JMY: variants seen among roughly 807,000 people sequenced by gnomAD.
JMY encodes the protein junction mediating and regulatory protein, p53 cofactor.
In JMY, 46 loss-of-function variants were observed where a neutral mutation model predicts 103.3. That is an observed-to-expected ratio of 0.45 (90% CI 0.35 to 0.57). JMY has a LOEUF of 0.57. Among genes scored for constraint, JMY ranks in the 20% least tolerant of loss-of-function variants. The probability of loss-of-function intolerance (pLI) is 0.00; values close to 1 mark genes in which losing one functional copy is unlikely to be tolerated. For missense variants in JMY, 1,238 were observed against 1,255.2 expected (o/e 0.99, Z 0.21); for synonymous variants, 526 against 489.3 (o/e 1.07, Z -0.99).
At chr5:79,321,551 T>G (rs1237722797) in intron 10 of JMY, 55 bp from the exon 11 acceptor site, 1 of 152,198 alleles carries the variant, frequency 6.6e-6, no homozygotes, top group South Asian at 2.1e-4. Context: ...GTAAATACAC[T>G]GTATCTTTAA....
Position 79,316,308 on chromosome 5 carries a change from C to CA in JMY, c.*3dup, listed in dbSNP as rs1747217034. ...ACCTTGCACAGACTGGGAGAACTAA[C>CA]AAGTAAACGGCCTTATTGTCTTTAG... On this transcript the variant is annotated splice_region_variant and 3_prime_UTR_variant, in exon 10 of 11. Transcript: ENST00000396137. 6.2e-7 allele frequency: 1 copy of CA among 1,601,498 alleles called. No individual in the cohort carries two copies. The highest frequency in any genetic ancestry group is 1.3e-5 in the African/African-American group (1 of 74,496).
At position 79,236,961 on chromosome 5, in the gene JMY, C is replaced by A. The variant is rs1182587099; in HGVS notation, c.311C>A (p.Pro104His). The A allele has an allele frequency of 2.1e-6, 3 of 1,450,702 alleles. No individual in the cohort carries two copies. The highest frequency in any genetic ancestry group is 2.9e-5 in the African/African-American group (2 of 69,314). 89.9% of individuals were successfully genotyped at this position (1,450,702 alleles called of 1,614,324 possible). A position where few individuals can be genotyped will look rare whatever the true frequency, so the allele number is the denominator to read the frequency against. ...GCAACTCTGGTTAGGAGCCCCGGGC[C>A]CCGGCGGAGCTCGGCCTGGGCGGAG... ...ASATLVRSPGPRRSSAWAEGG... is the reference protein window; with the variant it reads ...ASATLVRSPGHRRSSAWAEGG... The change falls in exon 1 of 11, where the codon CCC (proline) becomes CAC (histidine). Residue 104 changes from proline (P) to histidine (H), a missense_variant. Coordinates refer to ENST00000396137, the MANE Select transcript of JMY (RefSeq NM_152405.5).
At chr5:79,278,108 G>A in intron 2 of JMY, 25 bp downstream of exon 2, 1 of 1,565,528 alleles carries the variant, frequency 6.4e-7, no homozygotes, top group Non-Finnish European at 8.7e-7. Flanking sequence ...ATCCTAACTA[G>A]TAGCCTGCCT....
In JMY at chr5:79,300,313, T is replaced by C. The variant is rs371819690; in HGVS notation, c.1688T>C (p.Ile563Thr). The change falls in exon 5 of 11, where the codon ATA (isoleucine) becomes ACA (threonine). Residue 563 changes from isoleucine (I) to threonine (T), a missense_variant. Coordinates refer to ENST00000396137, the MANE Select transcript of JMY (RefSeq NM_152405.5). ...TAQLESIKRL[I>T]SEKRDEVVYY... ...CAACTAGAAAGCATCAAAAGACTTA[T>C]ATCAGGTATGGCGTGCATTTAACCA... 13 of 1,559,484 alleles carry C rather than the reference T, an allele frequency of 8.3e-6. No homozygotes were observed. The African/African-American group carries it at 9.7e-5, about 12-fold the overall frequency.
rs373344767 is a variant in JMY at position 79,273,460 on chromosome 5, T to A, written c.1033-4450T>A. On this transcript the variant is annotated intron_variant, in intron 1 of 10. Transcript: ENST00000396137. ...AGGAATTTCTCTTTTATTTTTGAGTTCCAGTAGTTTGACTATAATATGATA... is the reference window on the plus strand; with the variant it reads ...AGGAATTTCTCTTTTATTTTTGAGTACCAGTAGTTTGACTATAATATGATA... Among the ~76,000 whole-genome samples the A allele has an allele frequency of 5.9e-5, 9 of 152,340 alleles. No individual in the cohort carries two copies. The East Asian group carries it at 1.3e-3, about 23-fold the overall frequency.
At position 79,291,238 on chromosome 5, in the gene JMY, T is replaced by C. The variant is rs763755629; in HGVS notation, c.1466T>C (p.Leu489Ser). 6 of 1,613,240 alleles carry C rather than the reference T, an allele frequency of 3.7e-6. No homozygotes were observed. The Admixed American group carries it at 1.0e-4, about 27-fold the overall frequency. ...KLQYAVSKET[L>S]QMMRAKEICL... ...CAGTATGCAGTTTCTAAGGAAACTT[T>C]GCAGATGATGAGAGCTAAAGAGATA... Residue 489 changes from leucine (L) to serine (S), a missense_variant, in exon 4 of 11, where the codon TTG (leucine) becomes TCG (serine). Leu to Ser is a moderately radical substitution (Grantham distance 145). Transcript: ENST00000396137.
intron 1 of JMY, among the ~76,000 whole-genome samples, chr5:79,276,924 A>T (rs895762052): frequency 1.3e-5 from 2 of 152,140 alleles, no homozygotes; most frequent in African/African-American, 4.8e-5. Context: ...TTTTATACAT[A>T]CAAGGTCTCA....
rs1270885710 is a variant in JMY at position 79,300,728 on chromosome 5, G to A, written c.1746G>A (p.Met582Ile). 1 of 1,611,504 alleles carries A rather than the reference G, an allele frequency of 6.2e-7. No homozygotes were observed. Among genetic ancestry groups the A allele is most frequent in the African/African-American group, 1.3e-5 (1 of 74,712 alleles). The change falls in exon 6 of 11, where the codon ATG becomes ATA. Residue 582 changes from methionine to isoleucine, a missense_variant. Coordinates refer to ENST00000396137, the MANE Select transcript of JMY (RefSeq NM_152405.5). ...ACACTTACGAAAGCATGGAGGCCAT[G>A]CTGGAGAAGGAAGAGATGGCAGCAT... ...YYDTYESMEA[M>I]LEKEEMAASA... is the part of the protein sequence containing the mutation.
chr5:79,263,944 C>T (rs887716796), intron 1 of JMY, among the ~76,000 whole-genome samples: 5 of 151,952 alleles, frequency 3.3e-5, no homozygotes, highest in African/African-American at 1.2e-4. Context: ...ATTACAGGCG[C>T]CTGCCACCAC....
At chr5:79,242,864 A>G (rs1317511731) in intron 1 of JMY, among the ~76,000 whole-genome samples, 1 of 151,478 alleles carries the variant, frequency 6.6e-6, no homozygotes, top group Non-Finnish European at 1.5e-5. Context: ...GCTCACTGCA[A>G]CCTCTGCCTT....
Position 79,300,285 on chromosome 5 carries a change from G to T in JMY, c.1660G>T (p.Ala554Ser). ...ILKCEELLLT[A>S]QLESIKRLIS... ...GAAGTGTGAAGAGTTACTATTGACA[G>T]CGCAACTAGAAAGCATCAAAAGACT... The change falls in exon 5 of 11, where the codon GCG becomes TCG. Residue 554 changes from alanine (A) to serine (S), a missense_variant. Ala to Ser is a moderately conservative substitution (Grantham distance 99, BLOSUM62 1). Transcript: ENST00000396137. 6.3e-7 allele frequency: 1 copy of T among 1,585,174 alleles called. No individual in the cohort carries two copies. The highest frequency in any genetic ancestry group is 1.2e-5 in the South Asian group (1 of 86,460).
intron 1 of JMY, among the ~76,000 whole-genome samples, chr5:79,273,139 A>G (rs193078793): frequency 3.9e-5 from 6 of 152,308 alleles, no homozygotes; most frequent in East Asian, 3.9e-4. Flanking sequence ...ATTTCCAGCA[A>G]TCTTTATTCC....
At position 79,237,112 on chromosome 5, in the gene JMY, A is replaced by T. The variant is rs111233657; in HGVS notation, c.462A>T (p.Thr154=). The T allele has an allele frequency of 6.5e-7, 1 of 1,548,572 alleles. No homozygotes were observed. The part of the protein sequence containing the change: ...VRAKPIPGQK[T]SEADDAAGAA... ...CCAAACCCATCCCGGGTCAGAAAAC[A>T]TCTGAAGCCGACGATGCGGCGGGGG... Residue 154 remains threonine, a synonymous_variant, in exon 1 of 11, where the codon ACA becomes ACT. Coordinates refer to ENST00000396137, the MANE Select transcript of JMY (RefSeq NM_152405.5).
chr5:79,312,620 A>G (rs1371382957), intron 8 of JMY, 122 bp downstream of exon 8: 5 of 459,036 alleles, frequency 1.1e-5, no homozygotes, highest in Non-Finnish European at 1.9e-5. Flanking sequence ...ATAAACTATT[A>G]TAACCATGGA....
rs895877222 is a variant in JMY at position 79,324,569 on chromosome 5, A to C, written c.*2967A>C. The C allele has an allele frequency of 1.3e-5, 2 of 152,220 alleles. No individual in the cohort carries two copies. Among genetic ancestry groups the C allele is most frequent in the African/African-American group, 4.8e-5 (2 of 41,464 alleles). 9.4% of individuals were successfully genotyped at this position (152,220 alleles called of 1,614,324 possible). ...TCAAATGGCTCCTAATGCAACCAAA[A>C]TTATAACCAATGTAGCATGTGTAGG... On this transcript the variant is annotated 3_prime_UTR_variant, in exon 11 of 11. Coordinates refer to ENST00000396137, the MANE Select transcript of JMY (RefSeq NM_152405.5).
chr5:79,260,280 G>T (rs1341287033), intron 1 of JMY, among the ~76,000 whole-genome samples: 1 of 152,162 alleles, frequency 6.6e-6, no homozygotes, highest in Non-Finnish European at 1.5e-5. Flanking sequence ...TGTGATGGTG[G>T]GGGTGGTTCA....
chr5:79,270,325 A>T (rs1745710063), intron 1 of JMY, among the ~76,000 whole-genome samples: 1 of 143,636 alleles, frequency 7.0e-6, no homozygotes, highest in South Asian at 2.1e-4. Context: ...ATATATTTAC[A>T]TAAATATTTA....
chr5:79,290,645 C>T (rs1054245836), intron 3 of JMY, among the ~76,000 whole-genome samples: 2 of 152,130 alleles, frequency 1.3e-5, no homozygotes, highest in African/African-American at 2.4e-5. Flanking sequence ...AACGTTATTT[C>T]TGAGGACAGA....
rs1378229397 is a variant in JMY, at chr5:79,237,489, A to G, written c.839A>G (p.Gln280Arg). The change falls in exon 1 of 11, where the codon CAG (glutamine) becomes CGG (arginine). Residue 280 changes from glutamine to arginine, a missense_variant. Coordinates refer to ENST00000396137, the MANE Select transcript of JMY (RefSeq NM_152405.5). ...LFGGAPEMTE[Q>R]EIDTLCYQLQ... ...GGGGGCGCCCCCGAGATGACCGAGC[A>G]GGAAATCGACACTCTGTGTTACCAG... 5.0e-6 allele frequency: 8 copies of G among 1,613,506 alleles called. No homozygotes were observed. Among genetic ancestry groups the G allele is most frequent in the Admixed American group, 1.7e-5 (1 of 59,984 alleles).
Sources: allele counts gnomAD v4.1 joint callset (sites outside exome capture counted in the v4.1 genomes callset), GRCh38; gene constraint gnomAD v4.1.1; transcripts MANE v1.5; gene names NCBI Gene and HGNC (gene_info 2026-07-23, HGNC 2026-07-21).